Variants in PLXNA4 observed in about 807,000 individuals in gnomAD.
PLXNA4 encodes the protein plexin A4.
In PLXNA4, 44 loss-of-function variants were observed where a neutral mutation model predicts 191.8. The ratio of observed to expected loss-of-function variants is 0.23; its 90% CI spans 0.18 to 0.29. The LOEUF (loss-of-function observed/expected upper bound fraction) is 0.29. Among genes scored for constraint, PLXNA4 ranks in the 10% least tolerant of loss-of-function variants. PLXNA4 has a pLI of 1.00. For synonymous variants in PLXNA4, 1,082 were observed against 1,009.5 expected (o/e 1.07, Z -1.36); for missense variants, 1,800 against 2,488.8 (o/e 0.72, Z 5.89).
intron 3 of PLXNA4, among the ~76,000 whole-genome samples, chr7:132,353,927 G>A (rs1168904144): frequency 1.3e-5 from 2 of 152,148 alleles, no homozygotes; most frequent in African/African-American, 2.4e-5. Context: ...CTGAAAGTCT[G>A]AATTCTTTTC....
chr7:132,266,342 T>C (rs1353091508), intron 4 of PLXNA4: 2 of 152,208 alleles, frequency 1.3e-5, no homozygotes, highest in East Asian at 3.9e-4. Context: ...GTTCCTGGTG[T>C]CTTTTGATTA....
chr7:132,172,758 TATA>T (rs10651247), intron 21 of PLXNA4, among the ~76,000 whole-genome samples: 14,105 of 148,906 alleles, frequency 0.095, 747 homozygotes, highest in African/African-American at 0.13. Flanking sequence ...AAACTTAAAG[TATA>T]ATAATAATAA....
chr7:132,601,145 C>G (rs571731275), intron 2 of PLXNA4, among the ~76,000 whole-genome samples: 111 of 152,204 alleles, frequency 7.3e-4, no homozygotes, highest in East Asian at 3.9e-4. Flanking sequence ...CCTCAAAATA[C>G]CTACTATACC....
At position 132,181,489 on chromosome 7, in the gene PLXNA4, C is replaced by T; in HGVS notation, c.3384G>A (p.Leu1128=). The stretch of plus-strand genomic sequence containing the variant: ...TGAAGTTGGTCTTGTTGAGGATGAG[C>T]AGGGACTGGACGTTGTCCAGGATGA... ...FGFILDNVQS[L]LILNKTNFTY... Residue 1128 remains leucine, a synonymous_variant, in exon 18 of 32, where the codon CTG becomes CTA. Coordinates refer to ENST00000321063, the MANE Select transcript of PLXNA4 (RefSeq NM_020911.2). 6.2e-7 allele frequency: 1 copy of T among 1,614,118 alleles called. No homozygotes were observed. The highest frequency in any genetic ancestry group is 8.5e-7 in the Non-Finnish European group (1 of 1,180,020).
At chr7:132,287,566 C>T (rs1800728491) in intron 4 of PLXNA4, among the ~76,000 whole-genome samples, 2 of 152,050 alleles carry the variant, frequency 1.3e-5, no homozygotes, top group African/African-American at 2.4e-5. Flanking sequence ...TGTTCATGAC[C>T]CCCCCCGGAG....
intron 1 of PLXNA4, among the ~76,000 whole-genome samples, chr7:132,574,359 A>G (rs923844739): frequency 1.3e-5 from 2 of 152,192 alleles, no homozygotes; most frequent in African/African-American, 4.8e-5. Flanking sequence ...GCTGGAGCTC[A>G]TTATTTCTTT....
At chr7:132,436,185 C>A (rs2117221186) in intron 3 of PLXNA4, among the ~76,000 whole-genome samples, 1 of 152,352 alleles carries the variant, frequency 6.6e-6, no homozygotes, top group African/African-American at 2.4e-5. Context: ...CTCCAGGCTG[C>A]ACTCTCCTTC....
chr7:132,233,246 C>A (rs7455124), intron 5 of PLXNA4, among the ~76,000 whole-genome samples: 1 of 152,178 alleles, frequency 6.6e-6, no homozygotes, highest in African/African-American at 2.4e-5. Flanking sequence ...ACTAGAATTC[C>A]TAATTCATTA....
At chr7:132,341,664 A>G (rs1169266002) in intron 3 of PLXNA4, among the ~76,000 whole-genome samples, 1 of 152,086 alleles carries the variant, frequency 6.6e-6, no homozygotes, top group East Asian at 1.9e-4. Context: ...CAGCCCCCCT[A>G]GCCTGCCTGG....
chr7:132,311,067 C>T (rs1253660439), intron 3 of PLXNA4, among the ~76,000 whole-genome samples: 4 of 151,888 alleles, frequency 2.6e-5, no homozygotes, highest in Non-Finnish European at 5.9e-5. Flanking sequence ...TTTGCAAAGC[C>T]CTAGAACAGG....
intron 3 of PLXNA4, among the ~76,000 whole-genome samples, chr7:132,388,436 T>C (rs1024583174): frequency 1.7e-4 from 26 of 152,272 alleles, no homozygotes; most frequent in African/African-American, 6.0e-4. Flanking sequence ...TGTAAGTCAA[T>C]CATTCATATT....
chr7:132,215,217 C>T (rs1797927789), intron 9 of PLXNA4, among the ~76,000 whole-genome samples: 1 of 152,222 alleles, frequency 6.6e-6, no homozygotes, highest in Non-Finnish European at 1.5e-5. Context: ...GGTCCCAGTT[C>T]TGGCCACTGC....
At chr7:132,346,781 C>G (rs2116777320) in intron 3 of PLXNA4, among the ~76,000 whole-genome samples, 1 of 152,328 alleles carries the variant, frequency 6.6e-6, no homozygotes, top group Non-Finnish European at 1.5e-5. Context: ...TACACACACA[C>G]TTTACTAGAC....
Position 132,156,659 on chromosome 7 carries a change from G to A in PLXNA4, c.4660+2814C>T, listed in dbSNP as rs143163810. On this transcript the variant is annotated intron_variant, in intron 25 of 31. Transcript: ENST00000321063. ...TCCTGTCCAGCCCATGGGGCTGAGT[G>A]AGTGCCAATGTGCTATGCGTCCCTT... 5.4e-3 allele frequency among the ~76,000 whole-genome samples: 830 copies of A among 152,350 alleles called. 8 individuals are homozygous for A. The highest frequency in any genetic ancestry group is 0.019 in the African/African-American group (786 of 41,576).
chr7:132,584,203 T>C (rs535501964), intron 2 of PLXNA4, among the ~76,000 whole-genome samples: 38 of 152,344 alleles, frequency 2.5e-4, no homozygotes, highest in African/African-American at 7.9e-4. Flanking sequence ...GGAGTTTCTT[T>C]CTGTCCATAC....
At chr7:132,416,223 G>A (rs1794655783) in intron 3 of PLXNA4, among the ~76,000 whole-genome samples, 1 of 152,178 alleles carries the variant, frequency 6.6e-6, no homozygotes, top group Admixed American at 6.5e-5. Flanking sequence ...GAGGAAGGAT[G>A]GCATTAACAT....
At chr7:132,220,343 G>T (rs1798102368) in intron 9 of PLXNA4, among the ~76,000 whole-genome samples, 1 of 152,198 alleles carries the variant, frequency 6.6e-6, no homozygotes, top group Non-Finnish European at 1.5e-5. Context: ...ATGGCCCTGG[G>T]ATTGAGCTGG....
rs568799612 is a variant in PLXNA4, at chr7:132,504,224, T to A, written c.1188+3282A>T. Among the ~76,000 whole-genome samples, 3 of 152,352 alleles carry A rather than the reference T, an allele frequency of 2.0e-5. No homozygotes were observed. In the East Asian group the frequency reaches 5.8e-4, roughly 29 times the overall value. Reference sequence around the variant, plus strand: ...TTCTACCCCAACGGCCCAAGACTTTTCCCTCTGTGCGGTCCTCAGGCTCTG... The same window carrying A: ...TTCTACCCCAACGGCCCAAGACTTTACCCTCTGTGCGGTCCTCAGGCTCTG... On this transcript the variant is annotated intron_variant, in intron 2 of 31. Transcript: ENST00000321063.
chr7:132,485,850 C>T (rs898914897), intron 3 of PLXNA4, among the ~76,000 whole-genome samples: 1 of 152,208 alleles, frequency 6.6e-6, no homozygotes, highest in Non-Finnish European at 1.5e-5. Flanking sequence ...CTCCTTTCCC[C>T]CCGCTTCATG....
Sources: allele counts gnomAD v4.1 joint callset (sites outside exome capture counted in the v4.1 genomes callset), GRCh38; gene constraint gnomAD v4.1.1; transcripts MANE v1.5; gene names NCBI Gene and HGNC (gene_info 2026-07-23, HGNC 2026-07-21).